The following FGF2 variants were observed in gnomAD, a reference collection of about 807,000 sequenced individuals.
FGF2 encodes fibroblast growth factor 2, also known as basic fibroblast growth factor bFGF.
FGF2 carries 13 observed loss-of-function variants against 15.9 expected under a neutral mutation model. The ratio of observed to expected loss-of-function variants is 0.82; its 90% CI spans 0.53 to 1.30. FGF2 has a LOEUF of 1.30. Ranked by LOEUF, FGF2 falls within the 50% of genes most tolerant of loss-of-function variation. FGF2 has a pLI of 0.00. For missense variants in FGF2, 163 were observed against 196.9 expected, an observed-to-expected ratio of 0.83 and a Z score of 1.03; for synonymous variants, 90 against 78.4, an observed-to-expected ratio of 1.15 and a Z score of -0.78.
rs1352612742 is a variant in FGF2 at position 122,876,384 on chromosome 4, G to C, written c.242G>C (p.Arg81Pro). 1 of 1,613,162 alleles carries C rather than the reference G, an allele frequency of 6.2e-7. No homozygotes were observed. The highest frequency in any genetic ancestry group is 1.1e-5 in the South Asian group (1 of 91,054). The part of the protein sequence containing the change: ...VVSIKGVCAN[R>P]YLAMKEDGRL... ...TCTATCAAAGGAGTGTGTGCTAACC[G>C]TTACCTGGCTATGAAGGAAGATGGA... The change falls in exon 2 of 3, where the codon CGT becomes CCT. Residue 81 changes from arginine (R) to proline (P), a missense_variant. Transcript: ENST00000644866.
In FGF2 at chr4:122,894,994, C is replaced by G. The variant is rs1357095523; in HGVS notation, c.*2598C>G. 1 of 152,186 alleles carries G rather than the reference C, an allele frequency of 6.6e-6. No individual in the cohort carries two copies. Among genetic ancestry groups the G allele is most frequent in the East Asian group, 1.9e-4 (1 of 5,200 alleles). The allele number at this position is 152,186 out of a possible 1,614,324, so 9.4% of individuals were successfully genotyped here. On this transcript the variant is annotated 3_prime_UTR_variant, in exon 3 of 3. Transcript: ENST00000644866. ...TGGATGGGGGTAGTGAGCAAATCTG[C>G]CCTGCTCAGCAGTCACCATAGCAGC... is the stretch of plus-strand genomic sequence containing the variant.
rs149304849 is a variant in FGF2, at chr4:122,895,852, G to C, written c.*3456G>C. ...AAATGTTTAACTGTTTGTGATGGCA[G>C]TATTCCTAAAGTACATTGCATGTTT... On this transcript the variant is annotated 3_prime_UTR_variant, in exon 3 of 3. Coordinates refer to ENST00000644866, the MANE Select transcript of FGF2 (RefSeq NM_001361665.2). 3.5e-4 allele frequency: 54 copies of C among 152,360 alleles called. No homozygotes were observed. The East Asian group carries it at 0.01, about 29-fold the overall frequency. 9.4% of individuals were successfully genotyped at this position (152,360 alleles called of 1,614,324 possible).
Position 122,859,655 on chromosome 4 carries a change from C to T in FGF2, c.179-16666C>T, listed in dbSNP as rs200867171. 0.03 allele frequency among the ~76,000 whole-genome samples: 181 copies of T among 5,938 alleles called. 4 individuals carry two copies. The East Asian group carries it at 0.49, about 16-fold the overall frequency. 3.9% of individuals were successfully genotyped at this position (5,938 alleles called of 152,430 possible). ...ATATGGGTGTGTACATATGTATATACACACACACACACACACACACAAAAG... is the reference window on the plus strand; with the variant it reads ...ATATGGGTGTGTACATATGTATATATACACACACACACACACACACAAAAG... On this transcript the variant is annotated intron_variant, in intron 1 of 2. Transcript: ENST00000644866.
At chr4:122,832,545 C>T (rs1235789790) in intron 1 of FGF2, among the ~76,000 whole-genome samples, 1 of 152,196 alleles carries the variant, frequency 6.6e-6, no homozygotes, top group Non-Finnish European at 1.5e-5. Flanking sequence ...CCGTGCCCAG[C>T]CTGGGGCACA....
rs182022732 is a variant in FGF2 at position 122,832,848 on chromosome 4, C to T, written c.178+5496C>T. Among the ~76,000 whole-genome samples the T allele has an allele frequency of 2.0e-3, 303 of 152,242 alleles. 2 individuals carry two copies. The highest frequency in any genetic ancestry group is 3.1e-3 in the Non-Finnish European group (211 of 68,008). On this transcript the variant is annotated intron_variant, in intron 1 of 2. Transcript: ENST00000644866. ...TTAGCTCCTGCTTTCTCTTTTCTCCCTTTAATAATGACCGCCAACAAGGCC... is the reference window on the plus strand; with the variant it reads ...TTAGCTCCTGCTTTCTCTTTTCTCCTTTTAATAATGACCGCCAACAAGGCC...
chr4:122,830,085 T>C (rs1225031714), intron 1 of FGF2, among the ~76,000 whole-genome samples: 1 of 152,236 alleles, frequency 6.6e-6, no homozygotes, highest in Non-Finnish European at 1.5e-5. Context: ...ACTGGAATTT[T>C]TTTTCCTTTG....
chr4:122,893,122 C>T lies in FGF2; in HGVS notation c.*726C>T, dbSNP rs369473521. The stretch of plus-strand genomic sequence containing the variant: ...GGCAGATGATATACATATCTGACTT[C>T]CCAAAAGCTCCAGGATTTGTGTGCT... On this transcript the variant is annotated 3_prime_UTR_variant, in exon 3 of 3. Coordinates refer to ENST00000644866, the MANE Select transcript of FGF2 (RefSeq NM_001361665.2). 1 of 1,614,150 alleles carries T rather than the reference C, an allele frequency of 6.2e-7. No homozygotes were observed. The highest frequency in any genetic ancestry group is 8.5e-7 in the Non-Finnish European group (1 of 1,180,026).
intron 1 of FGF2, among the ~76,000 whole-genome samples, chr4:122,847,260 G>C (rs1292347572): frequency 6.6e-6 from 1 of 152,158 alleles, no homozygotes; most frequent in African/African-American, 2.4e-5. Flanking sequence ...CGTATTCTTT[G>C]GGAATGTCCT....
chr4:122,874,145 T>C (rs1179549039), intron 1 of FGF2, among the ~76,000 whole-genome samples: 2 of 152,262 alleles, frequency 1.3e-5, no homozygotes, highest in African/African-American at 2.4e-5. Context: ...TACATCCTTA[T>C]GAGTTAAAGT....
chr4:122,864,638 T>G (rs1310026104), intron 1 of FGF2, among the ~76,000 whole-genome samples: 1 of 152,236 alleles, frequency 6.6e-6, no homozygotes, highest in Non-Finnish European at 1.5e-5. Flanking sequence ...ATTCTCTCTT[T>G]TTCCTTGAAC....
intron 1 of FGF2, among the ~76,000 whole-genome samples, chr4:122,870,880 G>T: frequency 6.6e-6 from 1 of 151,888 alleles, no homozygotes. Flanking sequence ...GGATTAGTTT[G>T]TTCTTCCCTC....
chr4:122,826,787 G>C (rs308400), upstream of FGF2: 10,265 of 1,391,390 alleles, frequency 7.4e-3, 272 homozygotes, highest in South Asian at 0.077. Flanking sequence ...TGGTGGGTGT[G>C]GGGGGTGGAG....
chr4:122,890,650 T>A (rs1394579598), intron 2 of FGF2, among the ~76,000 whole-genome samples: 2 of 152,202 alleles, frequency 1.3e-5, no homozygotes, highest in African/African-American at 2.4e-5. Context: ...AATTAATTTA[T>A]GTTTTTGTCA....
At chr4:122,855,161 T>A (rs1339811660) in intron 1 of FGF2, among the ~76,000 whole-genome samples, 4 of 152,144 alleles carry the variant, frequency 2.6e-5, no homozygotes, top group Non-Finnish European at 4.4e-5. Context: ...GGTTGCATTA[T>A]CTCCATGAGG....
At chr4:122,872,035 C>T (rs555131733) in intron 1 of FGF2, among the ~76,000 whole-genome samples, 8 of 152,174 alleles carry the variant, frequency 5.3e-5, no homozygotes, top group African/African-American at 7.2e-5. Context: ...GACGAATTGA[C>T]GGAAGCAGGC....
At chr4:122,831,192 A>G (rs308411) in intron 1 of FGF2, among the ~76,000 whole-genome samples, 11,605 of 152,176 alleles carry the variant, frequency 0.076, 809 homozygotes, top group South Asian at 0.2. Context: ...TTTATCCTGA[A>G]TGAGCTTCTT....
intron 2 of FGF2, among the ~76,000 whole-genome samples, chr4:122,887,573 C>T (rs1223279231): frequency 6.6e-6 from 1 of 152,178 alleles, no homozygotes; most frequent in Non-Finnish European, 1.5e-5. Flanking sequence ...AAAAAACAAA[C>T]TTTTAAAAGT....
At chr4:122,839,382 A>T (rs1725929917) in intron 1 of FGF2, among the ~76,000 whole-genome samples, 1 of 152,172 alleles carries the variant, frequency 6.6e-6, no homozygotes, top group African/African-American at 2.4e-5. Context: ...AAACAACAAC[A>T]ACAACAACAA....
chr4:122,839,228 T>C (rs1369113959), intron 1 of FGF2, among the ~76,000 whole-genome samples: 1 of 152,148 alleles, frequency 6.6e-6, no homozygotes, highest in Non-Finnish European at 1.5e-5. Context: ...ATTGAAAAGG[T>C]ACAGTAAAAA....
Sources: gnomAD v4.1 joint callset for allele counts (sites outside exome capture counted in the v4.1 genomes callset) on GRCh38, gnomAD v4.1.1 for gene constraint, MANE v1.5 for transcripts, NCBI Gene and HGNC (gene_info 2026-07-23, HGNC 2026-07-21) for gene names.